PKD1L1: variants seen among roughly 807,000 people sequenced by gnomAD.
PKD1L1 encodes the protein polycystin-1-like protein 1.
A neutral mutation model predicts 323.4 loss-of-function variants in PKD1L1; 236 were observed. The observed-to-expected ratio is 0.73, with a 90% CI of 0.66 to 0.81. The LOEUF (loss-of-function observed/expected upper bound fraction) is 0.81. PKD1L1 is among the 40% of genes least tolerant of loss of function. The pLI, the probability that PKD1L1 is intolerant of heterozygous loss-of-function variation, is 0.00. For synonymous variants in PKD1L1, 1,344 were observed against 1,335.0 expected, an observed-to-expected ratio of 1.01 and a Z score of -0.15; for missense variants, 3,320 against 3,508.0, an observed-to-expected ratio of 0.95 and a Z score of 1.35.
chr7:47,897,495 A>T (rs1310974507), intron 14 of PKD1L1, among the ~76,000 whole-genome samples: 1 of 151,942 alleles, frequency 6.6e-6, no homozygotes, highest in Non-Finnish European at 1.5e-5. Flanking sequence ...CTTGAAGCCT[A>T]CTCTTTTAAA....
In PKD1L1 at chr7:47,885,685, C is replaced by A; in HGVS notation, c.3205+1G>T. 1.2e-6 allele frequency: 2 copies of A among 1,609,062 alleles called. No individual in the cohort carries two copies. The highest frequency in any genetic ancestry group is 8.5e-7 in the Non-Finnish European group (1 of 1,177,266). On this transcript the variant is annotated splice_donor_variant, in intron 18 of 56. Coordinates refer to ENST00000289672, the MANE Select transcript of PKD1L1 (RefSeq NM_138295.5). LOFTEE classifies it high-confidence loss of function. ...TGACATGCAGGAACAGTGGCACTTA[C>A]CAGAGAGGTGAGGGTCAGGGCTGTG... is the stretch of plus-strand genomic sequence containing the variant.
intron 36 of PKD1L1, among the ~76,000 whole-genome samples, chr7:47,838,695 T>C (rs1010365809): frequency 6.6e-6 from 1 of 151,882 alleles, no homozygotes; most frequent in African/African-American, 2.4e-5. Flanking sequence ...CTGGCCAACA[T>C]GGTGAAACCC....
intron 53 of PKD1L1, 72 bp from the exon 54 acceptor site, chr7:47,800,951 T>A: frequency 7.2e-7 from 1 of 1,380,220 alleles, no homozygotes; most frequent in East Asian, 2.3e-5. Context: ...AACTTCCAAA[T>A]GTTGAAAATA....
chr7:47,792,105 C>T (rs908058057), intron 56 of PKD1L1, among the ~76,000 whole-genome samples: 5 of 152,212 alleles, frequency 3.3e-5, no homozygotes, highest in African/African-American at 1.2e-4. Flanking sequence ...CATTAGGTCT[C>T]AGGGAGATTC....
At chr7:47,788,716 C>T (rs750968527) in intron 56 of PKD1L1, among the ~76,000 whole-genome samples, 33 of 151,736 alleles carry the variant, frequency 2.2e-4, no homozygotes, top group Non-Finnish European at 4.0e-4. Flanking sequence ...CTGCCTCAGC[C>T]TTCCAAGTAG....
chr7:47,907,164 T>C (rs1359177603), intron 9 of PKD1L1, among the ~76,000 whole-genome samples: 1 of 150,890 alleles, frequency 6.6e-6, no homozygotes, highest in East Asian at 1.9e-4. Flanking sequence ...ACTTCTTGGA[T>C]GGAGAGTTTC....
intron 13 of PKD1L1, among the ~76,000 whole-genome samples, chr7:47,899,203 C>T (rs1787023197): frequency 2.6e-5 from 4 of 152,146 alleles, no homozygotes; most frequent in Admixed American, 6.5e-5. Context: ...AGTAGCCCAT[C>T]AGGGGCCTGG....
At chr7:47,882,776 G>C (rs1048785338) in intron 19 of PKD1L1, among the ~76,000 whole-genome samples, 2 of 152,152 alleles carry the variant, frequency 1.3e-5, no homozygotes, top group Non-Finnish European at 2.9e-5. Flanking sequence ...ACGGGCTTTT[G>C]TCCTGAGTGC....
At chr7:47,906,501 T>G (rs964450072) in intron 9 of PKD1L1, among the ~76,000 whole-genome samples, 1 of 152,030 alleles carries the variant, frequency 6.6e-6, no homozygotes, top group Non-Finnish European at 1.5e-5. Context: ...TACACACATA[T>G]CACACATACC....
At chr7:47,871,585 T>C (rs1200960420) in intron 24 of PKD1L1, among the ~76,000 whole-genome samples, 1 of 152,168 alleles carries the variant, frequency 6.6e-6, no homozygotes, top group African/African-American at 2.4e-5. Context: ...TTAACTACTG[T>C]TGCACTGGGG....
At chr7:47,902,882 G>A (rs1324925644) in intron 12 of PKD1L1, among the ~76,000 whole-genome samples, 1 of 152,196 alleles carries the variant, frequency 6.6e-6, no homozygotes, top group Non-Finnish European at 1.5e-5. Context: ...TTTTCTCTGT[G>A]TGATGGGTAC....
chr7:47,864,651 T>TCCTC (rs1211781130), intron 26 of PKD1L1, among the ~76,000 whole-genome samples: 2 of 143,790 alleles, frequency 1.4e-5, no homozygotes, highest in Admixed American at 7.0e-5. Flanking sequence ...CTTCCTTCCT[T>TCCTC]CCTCCCTCTC....
intron 53 of PKD1L1, among the ~76,000 whole-genome samples, chr7:47,801,368 G>T (rs993975347): frequency 7.2e-5 from 11 of 152,210 alleles, no homozygotes; most frequent in Admixed American, 7.2e-4. Context: ...TCATGGTCCT[G>T]GTTGTCGTAA....
At chr7:47,954,020 T>C in the PKD1L1 span, among the ~76,000 whole-genome samples, 2 of 152,190 alleles carry the variant, frequency 1.3e-5, no homozygotes, top group African/African-American at 2.4e-5. Context: ...GAAACTAGTA[T>C]GGTAAAAAGT....
chr7:47,794,360 G>C (rs1413175722), intron 55 of PKD1L1, among the ~76,000 whole-genome samples: 1 of 152,188 alleles, frequency 6.6e-6, no homozygotes, highest in Non-Finnish European at 1.5e-5. Context: ...CTGTGTCCCA[G>C]TTGCTCCAGC....
At chr7:47,903,163 T>A (rs1787128591) in intron 12 of PKD1L1, among the ~76,000 whole-genome samples, 1 of 152,324 alleles carries the variant, frequency 6.6e-6, no homozygotes, top group Non-Finnish European at 1.5e-5. Context: ...CATGGATAAC[T>A]ACTTAAGACT....
At chr7:47,909,886 G>A (rs1020753007) in intron 8 of PKD1L1, among the ~76,000 whole-genome samples, 4 of 152,204 alleles carry the variant, frequency 2.6e-5, no homozygotes, top group African/African-American at 9.6e-5. Context: ...TAGCATGCAG[G>A]AGGATTTGGG....
intron 6 of PKD1L1, among the ~76,000 whole-genome samples, chr7:47,929,838 C>A (rs1787730708): frequency 6.6e-6 from 1 of 152,198 alleles, no homozygotes; most frequent in African/African-American, 2.4e-5. Context: ...GCTCTAGCTA[C>A]ATTAGTAACA....
At chr7:47,939,389 G>C (rs539081260) in intron 3 of PKD1L1, among the ~76,000 whole-genome samples, 2 of 152,266 alleles carry the variant, frequency 1.3e-5, no homozygotes, top group South Asian at 2.1e-4. Flanking sequence ...AAGAGAACTG[G>C]CTTCTTTAAA....
Sources: gnomAD v4.1 joint callset for allele counts (sites outside exome capture counted in the v4.1 genomes callset) on GRCh38, gnomAD v4.1.1 for gene constraint, MANE v1.5 for transcripts, NCBI Gene and HGNC (gene_info 2026-07-23, HGNC 2026-07-21) for gene names.